NSMCE2: variants seen among roughly 807,000 people sequenced by gnomAD.
NSMCE2 encodes the protein E3 SUMO-protein ligase NSE2.
NSMCE2 carries 24 observed loss-of-function variants against 23.8 expected under a neutral mutation model. The ratio of observed to expected loss-of-function variants is 1.01; its 90% CI spans 0.73 to 1.42. The LOEUF (loss-of-function observed/expected upper bound fraction) is 1.42. Ranked by LOEUF, NSMCE2 falls within the 40% of genes most tolerant of loss-of-function variation. NSMCE2 has a pLI of 0.00. For synonymous variants in NSMCE2, 92 were observed against 94.1 expected (o/e 0.98, Z 0.13); for missense variants, 284 against 296.5 (o/e 0.96, Z 0.31).
intron 3 of NSMCE2, among the ~76,000 whole-genome samples, chr8:125,115,353 C>T (rs372469006): frequency 6.6e-6 from 1 of 152,330 alleles, no homozygotes; most frequent in South Asian, 2.1e-4. Flanking sequence ...TTAAAAGTAA[C>T]AAAGCCTATA....
intron 5 of NSMCE2, among the ~76,000 whole-genome samples, chr8:125,311,499 T>C (rs1828971235): frequency 6.6e-6 from 1 of 152,264 alleles, no homozygotes; most frequent in South Asian, 2.1e-4. Flanking sequence ...GATAAAATTG[T>C]CAGCGTGAGT....
intron 5 of NSMCE2, among the ~76,000 whole-genome samples, chr8:125,315,321 C>A (rs183465518): frequency 1.3e-5 from 2 of 152,164 alleles, no homozygotes; most frequent in African/African-American, 4.8e-5. Context: ...GCTTCCACAT[C>A]AGCAAAGTGG....
intron 5 of NSMCE2, among the ~76,000 whole-genome samples, chr8:125,227,235 C>T (rs1314887544): frequency 2.0e-5 from 3 of 152,138 alleles, no homozygotes; most frequent in Non-Finnish European, 2.9e-5. Flanking sequence ...TGCCACGTCC[C>T]TGACATGGCA....
intron 4 of NSMCE2, among the ~76,000 whole-genome samples, chr8:125,170,578 T>A (rs548320999): frequency 2.0e-5 from 3 of 151,838 alleles, no homozygotes; most frequent in African/African-American, 7.3e-5. Flanking sequence ...CGACTAACTT[T>A]TGTGTTTTTA....
chr8:125,136,233 G>A, intron 3 of NSMCE2, among the ~76,000 whole-genome samples: 1 of 152,228 alleles, frequency 6.6e-6, no homozygotes, highest in East Asian at 1.9e-4. Flanking sequence ...ACTTGAGAAA[G>A]AGAATTGGCA....
intron 5 of NSMCE2, among the ~76,000 whole-genome samples, chr8:125,222,731 T>C (rs970345713): frequency 1.3e-5 from 2 of 152,204 alleles, no homozygotes; most frequent in East Asian, 3.8e-4. Flanking sequence ...TTCCATTGTA[T>C]ATGTATATAC....
intron 3 of NSMCE2, among the ~76,000 whole-genome samples, chr8:125,117,169 T>C (rs1159925344): frequency 6.6e-6 from 1 of 152,210 alleles, no homozygotes; most frequent in African/African-American, 2.4e-5. Flanking sequence ...CTATTAGCAT[T>C]AGGGTAGCTG....
At chr8:125,277,858 A>G (rs1290321694) in intron 5 of NSMCE2, among the ~76,000 whole-genome samples, 2 of 152,232 alleles carry the variant, frequency 1.3e-5, no homozygotes, top group Admixed American at 1.3e-4. Flanking sequence ...TTACTGAGAA[A>G]TCATAGAAAA....
At chr8:125,220,321 G>T (rs1395461844) in intron 5 of NSMCE2, among the ~76,000 whole-genome samples, 1 of 151,836 alleles carries the variant, frequency 6.6e-6, no homozygotes, top group Non-Finnish European at 1.5e-5. Context: ...TTCAAATGAG[G>T]TTTAGTTTCA....
chr8:125,162,173 T>TGA, intron 4 of NSMCE2, among the ~76,000 whole-genome samples: 1 of 152,210 alleles, frequency 6.6e-6, no homozygotes, highest in Non-Finnish European at 1.5e-5. Context: ...GAAGTATAGT[T>TGA]AGGCCATGTT....
chr8:125,183,677 A>G lies in NSMCE2; in HGVS notation c.418+1421A>G, dbSNP rs180863637. On this transcript the variant is annotated intron_variant, in intron 5 of 7. Transcript: ENST00000287437. ...TGTGTGTGTGTATAGTATCTGGCAC[A>G]TGGACCTGTGATTACCAGCCTGAGG... Among the ~76,000 whole-genome samples the G allele has an allele frequency of 7.5e-5, 11 of 147,198 alleles. No individual in the cohort carries two copies. The East Asian group carries it at 9.7e-4, about 13-fold the overall frequency.
At chr8:125,227,788 C>A (rs1179883277) in intron 5 of NSMCE2, among the ~76,000 whole-genome samples, 1 of 152,132 alleles carries the variant, frequency 6.6e-6, no homozygotes, top group East Asian at 1.9e-4. Context: ...CCAGAGATAA[C>A]CACATAATAA....
chr8:125,267,326 A>G (rs965233342), intron 5 of NSMCE2, among the ~76,000 whole-genome samples: 2 of 151,950 alleles, frequency 1.3e-5, no homozygotes, highest in African/African-American at 2.4e-5. Flanking sequence ...TTTTCTAAAT[A>G]TATGTTCTCT....
chr8:125,116,268 A>G (rs1819002627), intron 3 of NSMCE2, among the ~76,000 whole-genome samples: 1 of 152,236 alleles, frequency 6.6e-6, no homozygotes, highest in Non-Finnish European at 1.5e-5. Context: ...AACAAATGGC[A>G]GAACATTTGA....
intron 4 of NSMCE2, among the ~76,000 whole-genome samples, chr8:125,178,463 A>G (rs1822600759): frequency 6.6e-6 from 1 of 152,222 alleles, no homozygotes; most frequent in Admixed American, 6.5e-5. Flanking sequence ...TTAAATTATA[A>G]TGATATAAAC....
chr8:125,166,968 C>A (rs1419746663), intron 4 of NSMCE2, among the ~76,000 whole-genome samples: 2 of 152,180 alleles, frequency 1.3e-5, no homozygotes, highest in African/African-American at 4.8e-5. Flanking sequence ...TATAAAGGTG[C>A]CACTGCACTC....
chr8:125,360,403 C>CA (rs1010845801), intron 7 of NSMCE2, among the ~76,000 whole-genome samples: 78 of 152,190 alleles, frequency 5.1e-4, no homozygotes, highest in African/African-American at 1.8e-3. Flanking sequence ...GCCAGCAAGG[C>CA]AGGACCCGCA....
intron 5 of NSMCE2, among the ~76,000 whole-genome samples, chr8:125,242,090 A>G (rs1204745812): frequency 6.6e-6 from 1 of 151,406 alleles, no homozygotes; most frequent in Non-Finnish European, 1.5e-5. Context: ...GTGTATCTCT[A>G]TGTAAACAAT....
At chr8:125,227,391 G>A (rs1825144634) in intron 5 of NSMCE2, among the ~76,000 whole-genome samples, 1 of 152,210 alleles carries the variant, frequency 6.6e-6, no homozygotes, top group African/African-American at 2.4e-5. Flanking sequence ...CTGCAGCTCA[G>A]AGAGCAAGTC....
Sources: gnomAD v4.1 joint callset for allele counts (sites outside exome capture counted in the v4.1 genomes callset) on GRCh38, gnomAD v4.1.1 for gene constraint, MANE v1.5 for transcripts, NCBI Gene and HGNC (gene_info 2026-07-23, HGNC 2026-07-21) for gene names.